CENPW: variants seen among roughly 807,000 people sequenced by gnomAD.
CENPW encodes centromere protein W.
CENPW carries 3 observed loss-of-function variants against 11.1 expected under a neutral mutation model. The ratio of observed to expected loss-of-function variants is 0.27; its 90% CI spans 0.12 to 0.70. The LOEUF is 0.70. Ranked by LOEUF, CENPW falls within the 30% of genes least tolerant of loss-of-function variation. The pLI is 0.77. For missense variants in CENPW, 100 were observed against 105.6 expected, an observed-to-expected ratio of 0.95 and a Z score of 0.23; for synonymous variants, 38 against 42.0, an observed-to-expected ratio of 0.91 and a Z score of 0.37.
the CENPW span, among the ~76,000 whole-genome samples, chr6:126,442,529 TTC>T: frequency 1.6e-3 from 246 of 151,482 alleles, no homozygotes; most frequent in African/African-American, 5.5e-3. Flanking sequence ...TTAATCAAAT[TTC>T]TTTGCAATAA....
chr6:126,478,827 T>C, the CENPW span, among the ~76,000 whole-genome samples: 2 of 152,116 alleles, frequency 1.3e-5, no homozygotes, highest in Admixed American at 1.3e-4. Context: ...TTTCTTACTC[T>C]CTTATCTGGA....
At chr6:126,393,428 C>G in the CENPW span, among the ~76,000 whole-genome samples, 2 of 151,226 alleles carry the variant, frequency 1.3e-5, no homozygotes, top group Non-Finnish European at 3.0e-5. Flanking sequence ...TAGCTATAAA[C>G]CCCTCCCTCA....
At chr6:126,386,127 A>G in the CENPW span, among the ~76,000 whole-genome samples, 1 of 152,066 alleles carries the variant, frequency 6.6e-6, no homozygotes, top group African/African-American at 2.4e-5. Flanking sequence ...CATTCTGTAC[A>G]ATTTTATCTT....
the CENPW span, among the ~76,000 whole-genome samples, chr6:126,406,726 C>T: frequency 6.6e-6 from 1 of 151,944 alleles, no homozygotes; most frequent in Non-Finnish European, 1.5e-5. Flanking sequence ...GTGGTGGGCA[C>T]CTGTAATCCC....
chr6:126,444,608 TCTGA>T, the CENPW span, among the ~76,000 whole-genome samples: 1 of 151,190 alleles, frequency 6.6e-6, no homozygotes, highest in African/African-American at 2.4e-5. Flanking sequence ...TCAGCTCATT[TCTGA>T]CTGTTTCTAA....
At chr6:126,411,881 G>A in the CENPW span, among the ~76,000 whole-genome samples, 11 of 148,126 alleles carry the variant, frequency 7.4e-5, no homozygotes, top group South Asian at 2.2e-4. Context: ...CCTTCCTTCC[G>A]TCCTTCCTAC....
At chr6:126,458,915 G>C in the CENPW span, among the ~76,000 whole-genome samples, 2 of 151,412 alleles carry the variant, frequency 1.3e-5, no homozygotes, top group African/African-American at 4.8e-5. Context: ...AATAAATGAT[G>C]TATTTTCCTT....
chr6:126,400,589 T>A, the CENPW span, among the ~76,000 whole-genome samples: 1 of 152,094 alleles, frequency 6.6e-6, no homozygotes, highest in African/African-American at 2.4e-5. Flanking sequence ...ACAATTAAAT[T>A]TAAAAATTTA....
At chr6:126,346,115 A>C in intron 1 of CENPW, 90 bp from the exon 2 acceptor site, 1 of 626,434 alleles carries the variant, frequency 1.6e-6, no homozygotes, top group Non-Finnish European at 2.8e-6. Flanking sequence ...AAATAGTACA[A>C]TACATTTTGA....
chr6:126,458,634 A>G, the CENPW span, among the ~76,000 whole-genome samples: 2,601 of 151,454 alleles, frequency 0.017, 37 homozygotes, highest in South Asian at 0.044. Context: ...GAATCTTAGT[A>G]GAATCAACCT....
chr6:126,470,872 C>T, the CENPW span, among the ~76,000 whole-genome samples: 1 of 152,202 alleles, frequency 6.6e-6, no homozygotes. Context: ...GCTGATTTCT[C>T]CCATTTGTAA....
downstream of CENPW, among the ~76,000 whole-genome samples, chr6:126,351,793 A>G (rs1172771938): frequency 4.6e-5 from 7 of 151,562 alleles, no homozygotes. Context: ...CCTCAACCTC[A>G]TTTGAGGTCT....
chr6:126,346,429 T>A, intron 2 of CENPW, 111 bp downstream of exon 2: 1 of 525,286 alleles, frequency 1.9e-6, no homozygotes, highest in South Asian at 3.7e-5. Context: ...ATTGAGTCGA[T>A]ATTTGGCCTT....
chr6:126,427,906 A>G, the CENPW span, among the ~76,000 whole-genome samples: 1 of 152,188 alleles, frequency 6.6e-6, no homozygotes, highest in Non-Finnish European at 1.5e-5. Context: ...TCTTTTAACT[A>G]GTGAAAGTTA....
intron 1 of CENPW, among the ~76,000 whole-genome samples, chr6:126,345,580 A>C (rs1428974401): frequency 6.6e-6 from 1 of 152,006 alleles, no homozygotes; most frequent in Non-Finnish European, 1.5e-5. Context: ...AAAATTTTTC[A>C]GTCTGCTTAT....
chr6:126,378,642 A>G, the CENPW span, among the ~76,000 whole-genome samples: 2 of 152,276 alleles, frequency 1.3e-5, no homozygotes, highest in Non-Finnish European at 2.9e-5. Context: ...TTGGGTTCAT[A>G]AAACAGGGAA....
At chr6:126,441,267 T>G in the CENPW span, among the ~76,000 whole-genome samples, 1 of 151,356 alleles carries the variant, frequency 6.6e-6, no homozygotes, top group East Asian at 1.9e-4. Context: ...GATAGCTGTT[T>G]AGCTGTCATG....
chr6:126,345,226 AT>A, intron 1 of CENPW, among the ~76,000 whole-genome samples: 1 of 152,016 alleles, frequency 6.6e-6, no homozygotes, highest in Admixed American at 6.6e-5. Flanking sequence ...ACAAAGTGTT[AT>A]TTTATATGAC....
chr6:126,350,803 T>G (rs1324461418), downstream of CENPW, among the ~76,000 whole-genome samples: 4 of 152,122 alleles, frequency 2.6e-5, no homozygotes. Flanking sequence ...AATTTAAATC[T>G]TATTTGTAAT....
Sources: gnomAD v4.1 joint callset for allele counts (sites outside exome capture counted in the v4.1 genomes callset) on GRCh38, gnomAD v4.1.1 for gene constraint, MANE v1.5 for transcripts, NCBI Gene and HGNC (gene_info 2026-07-23, HGNC 2026-07-21) for gene names.